CNTN4: variants seen among roughly 807,000 people sequenced by gnomAD.
The protein encoded by CNTN4 is contactin 4, also known as contactin-4.
CNTN4 carries 77 observed loss-of-function variants against 122.5 expected under a neutral mutation model. The ratio of observed to expected loss-of-function variants is 0.63; its 90% CI spans 0.52 to 0.76. The LOEUF is 0.76. Among genes scored for constraint, CNTN4 ranks in the 30% least tolerant of loss-of-function variants. CNTN4 has a pLI of 0.00. For synonymous variants in CNTN4, 512 were observed against 447.0 expected, an observed-to-expected ratio of 1.15 and a Z score of -1.83; for missense variants, 1,256 against 1,259.1, an observed-to-expected ratio of 1.00 and a Z score of 0.04.
chr3:2,382,973 G>A (rs1235897115), intron 3 of CNTN4, among the ~76,000 whole-genome samples: 2 of 152,020 alleles, frequency 1.3e-5, no homozygotes, highest in Non-Finnish European at 2.9e-5. Flanking sequence ...TACTGGGGAG[G>A]CTGAGGCAGG....
intron 13 of CNTN4, among the ~76,000 whole-genome samples, chr3:2,949,058 C>G (rs1470868538): frequency 6.6e-6 from 1 of 152,108 alleles, no homozygotes; most frequent in African/African-American, 2.4e-5. Context: ...ATATCTGCTG[C>G]TAGCTAGCTC....
At chr3:2,368,689 G>T (rs922937037) in intron 3 of CNTN4, among the ~76,000 whole-genome samples, 6 of 151,996 alleles carry the variant, frequency 3.9e-5, no homozygotes, top group Admixed American at 1.3e-4. Flanking sequence ...CTGAACAGAA[G>T]TGCAAGACTA....
intron 4 of CNTN4, among the ~76,000 whole-genome samples, chr3:2,584,852 A>G (rs1269596124): frequency 6.6e-6 from 1 of 152,078 alleles, no homozygotes; most frequent in African/African-American, 2.4e-5. Context: ...GTAAAACTGT[A>G]TCTTGTTCTC....
chr3:2,192,748 T>C (rs138142511), intron 2 of CNTN4, among the ~76,000 whole-genome samples: 72 of 152,352 alleles, frequency 4.7e-4, no homozygotes, highest in African/African-American at 1.6e-3. Flanking sequence ...GTTTACTTGC[T>C]CTGTGAATGG....
chr3:2,728,508 C>T (rs2088404530), intron 4 of CNTN4, among the ~76,000 whole-genome samples: 1 of 152,184 alleles, frequency 6.6e-6, no homozygotes. Flanking sequence ...CCCAACAACC[C>T]AGCTTAGCAG....
intron 10 of CNTN4, among the ~76,000 whole-genome samples, chr3:2,898,542 A>T (rs1394135935): frequency 1.3e-5 from 2 of 152,144 alleles, no homozygotes; most frequent in Non-Finnish European, 2.9e-5. Context: ...TCTCTGCCTC[A>T]CCTGCTTCTT....
chr3:2,591,617 G>A (rs1243054661), intron 4 of CNTN4, among the ~76,000 whole-genome samples: 2 of 51,634 alleles, frequency 3.9e-5, no homozygotes, highest in African/African-American at 1.3e-4. Flanking sequence ...GCCCGCCTCG[G>A]CCTCCCAAAG....
chr3:3,030,985 T>TTTG lies in CNTN4; in HGVS notation c.1783+16_1783+18dup. ...GACCTGATTGTAAGAGGTACTGGATTTTGTTGTTATTGTTGTTCTTGAAAT... is the reference window on the plus strand; with the variant it reads ...GACCTGATTGTAAGAGGTACTGGATTTTGTTGTTGTTATTGTTGTTCTTGAAAT... On this transcript the variant is annotated intron_variant, in intron 16 of 24. Transcript: ENST00000418658. 6.2e-7 allele frequency: 1 copy of TTTG among 1,613,924 alleles called. No individual in the cohort carries two copies. Among genetic ancestry groups the TTTG allele is most frequent in the Non-Finnish European group, 8.5e-7 (1 of 1,179,836 alleles).
chr3:2,353,404 G>C (rs911664424), intron 3 of CNTN4, among the ~76,000 whole-genome samples: 1 of 152,076 alleles, frequency 6.6e-6, no homozygotes, highest in African/African-American at 2.4e-5. Context: ...GTGGCAACCG[G>C]GTCTGGTCCC....
intron 6 of CNTN4, among the ~76,000 whole-genome samples, chr3:2,787,732 G>A (rs62232891): frequency 0.056 from 8,538 of 151,404 alleles, 278 homozygotes; most frequent in Non-Finnish European, 0.07. Context: ...GGTTCATTAG[G>A]TTAGCTCATG....
chr3:2,856,739 C>T (rs770237142), intron 7 of CNTN4, among the ~76,000 whole-genome samples: 8 of 152,154 alleles, frequency 5.3e-5, no homozygotes, highest in Admixed American at 1.3e-4. Flanking sequence ...TGCAACTCCT[C>T]GCTTGAGGGA....
intron 3 of CNTN4, among the ~76,000 whole-genome samples, chr3:2,358,418 A>G (rs2044968680): frequency 6.6e-6 from 1 of 151,960 alleles, no homozygotes; most frequent in Non-Finnish European, 1.5e-5. Flanking sequence ...GAAGCATTTA[A>G]TATATTTAGG....
At position 2,709,862 on chromosome 3, in the gene CNTN4, T is replaced by C. The variant is rs1400745404; in HGVS notation, c.56-26353T>C. Among the ~76,000 whole-genome samples the C allele has an allele frequency of 6.6e-6, 1 of 151,954 alleles. No individual in the cohort carries two copies. Among genetic ancestry groups the C allele is most frequent in the African/African-American group, 2.4e-5 (1 of 41,382 alleles). ...CAGCAGTGAGCTGAGACTGCGCCACTGCACTCCAGCCTGGGTGACAGGGCA... is the reference window on the plus strand; with the variant it reads ...CAGCAGTGAGCTGAGACTGCGCCACCGCACTCCAGCCTGGGTGACAGGGCA... On this transcript the variant is annotated intron_variant, in intron 4 of 24. Coordinates refer to ENST00000418658, the MANE Select transcript of CNTN4 (RefSeq NM_175607.3). This position sits in a 1 kb window ranked among gnomAD's most constrained non-coding sequence, Gnocchi z 5.0.
intron 13 of CNTN4, among the ~76,000 whole-genome samples, chr3:2,937,904 C>T (rs1008599232): frequency 4.0e-5 from 6 of 151,764 alleles, no homozygotes; most frequent in African/African-American, 1.5e-4. Flanking sequence ...AAGTCATGTA[C>T]AAGAAATGAG....
chr3:2,981,172 C>T (rs1004723537), intron 13 of CNTN4, among the ~76,000 whole-genome samples: 51 of 152,210 alleles, frequency 3.4e-4, no homozygotes, highest in African/African-American at 1.2e-3. Context: ...GGGCCGGGCG[C>T]GGTGGCTCAC....
At chr3:2,824,305 T>C (rs1222729317) in intron 7 of CNTN4, among the ~76,000 whole-genome samples, 2 of 151,812 alleles carry the variant, frequency 1.3e-5, no homozygotes, top group Non-Finnish European at 2.9e-5. Flanking sequence ...CTGCTAAAAA[T>C]ACAAAAATTA....
chr3:2,273,364 A>G (rs13076780), intron 2 of CNTN4, among the ~76,000 whole-genome samples: 80,117 of 151,924 alleles, frequency 0.53, 22,007 homozygotes, highest in South Asian at 0.68. Flanking sequence ...TCCCAGTGAA[A>G]TGATAAAAGG....
intron 3 of CNTN4, among the ~76,000 whole-genome samples, chr3:2,561,700 G>C (rs930497868): frequency 6.6e-6 from 1 of 152,190 alleles, no homozygotes; most frequent in South Asian, 2.1e-4. Flanking sequence ...GGAAAGTGAG[G>C]CTAACAGAGG....
chr3:2,295,660 T>G (rs537156868), intron 2 of CNTN4, among the ~76,000 whole-genome samples: 1 of 152,206 alleles, frequency 6.6e-6, no homozygotes, highest in African/African-American at 2.4e-5. Context: ...TTTCTTTTAC[T>G]GTGCAGAGGT....
Sources: gnomAD v4.1 joint callset for allele counts (sites outside exome capture counted in the v4.1 genomes callset) on GRCh38, gnomAD v4.1.1 for gene constraint, Gnocchi (gnomAD v3.1) non-coding constraint, MANE v1.5 for transcripts, NCBI Gene and HGNC (gene_info 2026-07-23, HGNC 2026-07-21) for gene names.